RFLNA: variants seen among roughly 807,000 people sequenced by gnomAD.
RFLNA encodes refilin-A.
RFLNA carries 5 observed loss-of-function variants against 7.8 expected under a neutral mutation model. The ratio of observed to expected loss-of-function variants is 0.64; its 90% CI spans 0.34 to 1.35. The LOEUF is 1.35. RFLNA is among the 40% of genes most tolerant of loss of function. The probability of loss-of-function intolerance (pLI) is 0.04; values close to 1 mark genes in which losing one functional copy is unlikely to be tolerated. For missense variants in RFLNA, 278 were observed against 305.5 expected (o/e 0.91, Z 0.67); for synonymous variants, 141 against 131.3 (o/e 1.07, Z -0.50).
rs998716346 is a variant in RFLNA at position 124,315,327 on chromosome 12, A to G, written c.*802A>G. ...CCCAGCTAACACCCATCCACGCACCACCTCCAGGACGAGAACCCTTGATGT... is the reference window on the plus strand; with the variant it reads ...CCCAGCTAACACCCATCCACGCACCGCCTCCAGGACGAGAACCCTTGATGT... On this transcript the variant is annotated 3_prime_UTR_variant, in exon 3 of 3. Coordinates refer to ENST00000546355, the MANE Select transcript of RFLNA (RefSeq NM_001365156.1). The G allele has an allele frequency of 6.6e-6, 1 of 152,558 alleles. No homozygotes were observed. Among genetic ancestry groups the G allele is most frequent in the Non-Finnish European group, 1.5e-5 (1 of 68,418 alleles). 9.5% of individuals were successfully genotyped at this position (152,558 alleles called of 1,614,324 possible). A position where few individuals can be genotyped will look rare whatever the true frequency, so the allele number is the denominator to read the frequency against.
chr12:124,290,203 T>C (rs1476772441), upstream of RFLNA, among the ~76,000 whole-genome samples: 1 of 152,250 alleles, frequency 6.6e-6, no homozygotes, highest in Non-Finnish European at 1.5e-5. This position sits in a 1 kb window ranked among gnomAD's most constrained non-coding sequence, Gnocchi z 4.0. Flanking sequence ...CTCAAAAGTG[T>C]ATATGCATAT....
chr12:124,290,895 T>G (rs2033815728), upstream of RFLNA, among the ~76,000 whole-genome samples: 1 of 152,194 alleles, frequency 6.6e-6, no homozygotes, highest in Non-Finnish European at 1.5e-5. The surrounding 1 kb of genome is among the most constrained non-coding windows in gnomAD (Gnocchi z 4.0). Context: ...AGCCGGGACA[T>G]GGTAGGGCCA....
chr12:124,294,361 T>A (rs544745004), upstream of RFLNA, among the ~76,000 whole-genome samples: 57 of 152,238 alleles, frequency 3.7e-4, no homozygotes, highest in South Asian at 0.012. Flanking sequence ...GAAGGATGGA[T>A]CCTCAGGAGT....
chr12:124,300,784 A>G (rs1174744861), intron 1 of RFLNA, among the ~76,000 whole-genome samples: 2 of 120,938 alleles, frequency 1.7e-5, no homozygotes, highest in Non-Finnish European at 3.4e-5. Flanking sequence ...TGACGGATGG[A>G]TGGATGGATG....
intron 1 of RFLNA, among the ~76,000 whole-genome samples, chr12:124,296,123 TC>T (rs2033913646): frequency 1.1e-3 from 4 of 3,768 alleles, no homozygotes; most frequent in South Asian, 0.083. Flanking sequence ...TTTCTTTCTT[TC>T]TCTCTCTCTC....
At chr12:124,313,691 A>G (rs974891444) in intron 2 of RFLNA, among the ~76,000 whole-genome samples, 3 of 152,130 alleles carry the variant, frequency 2.0e-5, no homozygotes, top group South Asian at 2.1e-4. Context: ...AAAAAAAAAA[A>G]AAGGTTGCAT....
At chr12:124,308,163 G>A (rs2034170663) in intron 1 of RFLNA, among the ~76,000 whole-genome samples, 1 of 152,076 alleles carries the variant, frequency 6.6e-6, no homozygotes, top group Non-Finnish European at 1.5e-5. Context: ...TGTATTTTTA[G>A]TAGAGACAGG....
chr12:124,290,433 C>T (rs770123275), upstream of RFLNA, among the ~76,000 whole-genome samples: 14 of 151,878 alleles, frequency 9.2e-5, no homozygotes, highest in Non-Finnish European at 1.6e-4. The surrounding 1 kb of genome is among the most constrained non-coding windows in gnomAD (Gnocchi z 4.0). Flanking sequence ...TGTGTATGTG[C>T]ATACATGTGT....
intron 1 of RFLNA, among the ~76,000 whole-genome samples, chr12:124,297,604 G>T (rs2033951524): frequency 6.6e-6 from 1 of 152,186 alleles, no homozygotes. Flanking sequence ...GCTGTGCTGG[G>T]CTAGACCCAG....
chr12:124,303,535 C>G (rs182919861), intron 1 of RFLNA, among the ~76,000 whole-genome samples: 1,612 of 152,302 alleles, frequency 0.011, 12 homozygotes, highest in Middle Eastern at 0.031. Flanking sequence ...CTGGGCCATC[C>G]CTGTTTTCCT....
intron 2 of RFLNA, among the ~76,000 whole-genome samples, chr12:124,313,892 G>A (rs142620622): frequency 6.6e-5 from 10 of 152,272 alleles, no homozygotes; most frequent in South Asian, 2.1e-4. Flanking sequence ...TAACCCACAC[G>A]ACACGGCTCA....
chr12:124,312,045 T>TGGAGGGTAGGG, intron 2 of RFLNA, 118 bp downstream of exon 2: 1 of 1,223,422 alleles, frequency 8.2e-7, no homozygotes, highest in Non-Finnish European at 1.1e-6. Context: ...GGAGGCTCCC[T>TGGAGGGTAGGG]ACCCTCCAGG....
chr12:124,295,578 C>G lies in RFLNA; in HGVS notation c.149C>G (p.Ala50Gly). The G allele has an allele frequency of 8.2e-7, 1 of 1,215,464 alleles. No individual in the cohort carries two copies. The highest frequency in any genetic ancestry group is 1.0e-6 in the Non-Finnish European group (1 of 980,578). The allele number at this position is 1,215,464 out of a possible 1,614,324, so 75.3% of individuals were successfully genotyped here. A position where few individuals can be genotyped will look rare whatever the true frequency, so the allele number is the denominator to read the frequency against. Residue 50 changes from alanine to glycine, a missense_variant, in exon 1 of 3, where the codon GCG (alanine) becomes GGG (glycine). Ala to Gly is a moderately conservative substitution (Grantham distance 60). Transcript: ENST00000546355. ...TCCCTGGCGCCCGGCATCCTCGACGCGCGCGCGGGGGGCGCCGGCGCCTCC... is the reference window on the plus strand; with the variant it reads ...TCCCTGGCGCCCGGCATCCTCGACGGGCGCGCGGGGGGCGCCGGCGCCTCC... The part of the protein sequence containing the change: ...FYSLAPGILD[A>G]RAGGAGASSE...
Position 124,311,883 on chromosome 12 carries a change from TG to T in RFLNA, c.277del (p.Glu93ArgfsTer5). On this transcript the variant is annotated frameshift_variant, in exon 2 of 3. Coordinates refer to ENST00000546355, the MANE Select transcript of RFLNA (RefSeq NM_001365156.1). LOFTEE classifies it low-confidence loss of function (END_TRUNC). Reference sequence around the variant, plus strand: ...GGCCCCGGATGCTGCCAGTGTTCTTTGGGGAGAGCATCAAGGTGAACCCGGA... The same window carrying T: ...GGCCCCGGATGCTGCCAGTGTTCTTTGGGAGAGCATCAAGGTGAACCCGGA... ...MRPRMLPVFF[G>X]ESIKVNPEPT... 3.2e-6 allele frequency: 5 copies of T among 1,566,360 alleles called. No homozygotes were observed. Among genetic ancestry groups the T allele is most frequent in the Non-Finnish European group, 4.3e-6 (5 of 1,154,356 alleles).
intron 1 of RFLNA, among the ~76,000 whole-genome samples, chr12:124,309,542 T>C (rs1226840826): frequency 1.3e-5 from 2 of 152,236 alleles, no homozygotes; most frequent in East Asian, 3.8e-4. Flanking sequence ...AAAGCTGTGC[T>C]ATTCATACGC....
chr12:124,298,921 A>C (rs1215927353), intron 1 of RFLNA, among the ~76,000 whole-genome samples: 1 of 152,232 alleles, frequency 6.6e-6, no homozygotes, highest in African/African-American at 2.4e-5. Flanking sequence ...GGTGCACAAA[A>C]ATCTCAGAAA....
At chr12:124,312,166 C>T (rs2034257163) in intron 2 of RFLNA, among the ~76,000 whole-genome samples, 1 of 152,122 alleles carries the variant, frequency 6.6e-6, no homozygotes, top group African/African-American at 2.4e-5. Context: ...ACCCCACGCC[C>T]CCACCCCAGG....
At chr12:124,309,877 A>T (rs2034207369) in intron 1 of RFLNA, among the ~76,000 whole-genome samples, 1 of 152,198 alleles carries the variant, frequency 6.6e-6, no homozygotes, top group South Asian at 2.1e-4. Context: ...CTGCCTTAAA[A>T]GGCTTTAGGG....
chr12:124,300,105 T>C (rs997985631), intron 1 of RFLNA, among the ~76,000 whole-genome samples: 3 of 152,172 alleles, frequency 2.0e-5, no homozygotes, highest in African/African-American at 7.2e-5. Flanking sequence ...AGCCCCCCTG[T>C]GGCAAGCAAA....
Sources: gnomAD v4.1 joint callset for allele counts (sites outside exome capture counted in the v4.1 genomes callset) on GRCh38, gnomAD v4.1.1 for gene constraint, Gnocchi (gnomAD v3.1) non-coding constraint, MANE v1.5 for transcripts, NCBI Gene and HGNC (gene_info 2026-07-23, HGNC 2026-07-21) for gene names.